Variants in PALM3 observed in about 807,000 individuals in gnomAD.
PALM3 encodes the protein paralemmin 3, also known as paralemmin-3.
A neutral mutation model predicts 27.9 loss-of-function variants in PALM3; 20 were observed. The observed-to-expected ratio is 0.72, with a 90% CI of 0.50 to 1.04. The LOEUF (loss-of-function observed/expected upper bound fraction) is 1.04. Ranked by LOEUF, PALM3 falls within the 50% of genes least tolerant of loss-of-function variation. PALM3 has a pLI of 0.00. For synonymous variants in PALM3, 328 were observed against 352.7 expected (o/e 0.93, Z 0.79); for missense variants, 814 against 869.4 (o/e 0.94, Z 0.80).
At position 14,054,635 on chromosome 19, in the gene PALM3, T is replaced by C; in HGVS notation, c.1037A>G (p.Gln346Arg). 6.4e-7 allele frequency: 1 copy of C among 1,551,574 alleles called. No homozygotes were observed. Among genetic ancestry groups the C allele is most frequent in the Non-Finnish European group, 8.7e-7 (1 of 1,146,850 alleles). The change falls in exon 7 of 7, where the codon CAG becomes CGG. Residue 346 changes from glutamine to arginine, a missense_variant. Physicochemically the swap from Gln to Arg is conservative, Grantham distance 43 (BLOSUM62 1). Coordinates refer to ENST00000669674, the MANE Select transcript of PALM3 (RefSeq NM_001145028.2). ...TCCCTCCTCTCCTCCAGAGCCTCCC[T>C]GCCCATCACCCTCAGGGCTGCCCTG... The part of the protein sequence containing the change: ...VPQGSPEGDG[Q>R]GGSGGEEGSF...
At chr19:14,060,960 C>T (rs766007348) in intron 1 of PALM3, among the ~76,000 whole-genome samples, 7 of 152,132 alleles carry the variant, frequency 4.6e-5, no homozygotes, top group Non-Finnish European at 1.0e-4. Flanking sequence ...GGGGTTTCAC[C>T]ATACTGGCCA....
In PALM3 at chr19:14,054,578, C is replaced by G. The variant is rs966442740; in HGVS notation, c.1094G>C (p.Ser365Thr). The G allele has an allele frequency of 2.6e-6, 4 of 1,551,878 alleles. No individual in the cohort carries two copies. Among genetic ancestry groups the G allele is most frequent in the South Asian group, 1.2e-5 (1 of 84,068 alleles). Residue 365 changes from serine to threonine, a missense_variant, in exon 7 of 7, where the codon AGT (serine) becomes ACT (threonine). Ser to Thr is a moderately conservative substitution (Grantham distance 58, BLOSUM62 1). Transcript: ENST00000669674. The part of the protein sequence containing the change: ...SFIWVERVTL[S>T]EEWEELLVEG... ...CACCAGCAGCTCCTCCCACTCTTCA[C>G]TGAGGGTCACTCTCTCCACCCAAAT...
At chr19:14,060,446 G>A (rs1167788212) in intron 1 of PALM3, among the ~76,000 whole-genome samples, 1 of 151,938 alleles carries the variant, frequency 6.6e-6, no homozygotes, top group African/African-American at 2.4e-5. Context: ...TTCCAGCTAA[G>A]AACAAAATCA....
In PALM3 at chr19:14,054,150, C is replaced by T; in HGVS notation, c.1522G>A (p.Gly508Ser). ...TTGGTTGCCTCTGGCTCTTCCTCAC[C>T]TCCTTTCTTCTCTACTCCCAATGGT... is the stretch of plus-strand genomic sequence containing the variant. ...EEPLGVEKKG[G>S]EEEPEATKEP... Residue 508 changes from glycine to serine, a missense_variant, in exon 7 of 7, where the codon GGT becomes AGT. Transcript: ENST00000669674. 2 of 1,551,756 alleles carry T rather than the reference C, an allele frequency of 1.3e-6. No individual in the cohort carries two copies. The highest frequency in any genetic ancestry group is 1.7e-6 in the Non-Finnish European group (2 of 1,146,998).
chr19:14,057,506 T>G, intron 2 of PALM3, 75 bp from the exon 3 acceptor site: 5 of 1,167,666 alleles, frequency 4.3e-6, no homozygotes, highest in Non-Finnish European at 4.6e-6. Flanking sequence ...CCCTTTCCCC[T>G]CCCTCCTCCG....
At chr19:14,061,836 A>G (rs1976418804) in intron 1 of PALM3, 104 bp downstream of exon 1, 1 of 723,862 alleles carries the variant, frequency 1.4e-6, no homozygotes, top group Non-Finnish European at 1.7e-6. Flanking sequence ...GGGTCCCCTT[A>G]GGAGAGACCA....
rs1976249807 is a variant in PALM3 at position 14,054,252 on chromosome 19, T to C, written c.1420A>G (p.Lys474Glu). The stretch of plus-strand genomic sequence containing the variant: ...TCTGCCCTCAAATGTCCCTCAACTT[T>C]TCTCTCTATGCCCAGTGGTTCCTCA... ...GGEEPLGIER[K>E]VEGHLRAEKE... The change falls in exon 7 of 7, where the codon AAA (lysine) becomes GAA (glutamate). Residue 474 changes from lysine (K) to glutamate (E), a missense_variant. Coordinates refer to ENST00000669674, the MANE Select transcript of PALM3 (RefSeq NM_001145028.2). 6.4e-7 allele frequency: 1 copy of C among 1,552,060 alleles called. No individual in the cohort carries two copies. The highest frequency in any genetic ancestry group is 2.0e-5 in the Admixed American group (1 of 50,948).
intron 1 of PALM3, among the ~76,000 whole-genome samples, chr19:14,061,015 C>T (rs1976405238): frequency 6.6e-6 from 1 of 152,210 alleles, no homozygotes; most frequent in African/African-American, 2.4e-5. Flanking sequence ...CCCGCCTCGG[C>T]CTCCCAAAGT....
In PALM3 at chr19:14,057,333, C is replaced by A; in HGVS notation, c.171+18G>T. The A allele has an allele frequency of 6.6e-7, 1 of 1,525,374 alleles. No homozygotes were observed. The highest frequency in any genetic ancestry group is 8.8e-7 in the Non-Finnish European group (1 of 1,131,822). The allele number at this position is 1,525,374 out of a possible 1,614,324, so 94.5% of individuals were successfully genotyped here. A position where few individuals can be genotyped will look rare whatever the true frequency, so the allele number is the denominator to read the frequency against. On this transcript the variant is annotated intron_variant, in intron 3 of 6. Transcript: ENST00000669674. ...CTCCATTCCCCAGGCTAGGCAGGCGCCCCCGCCCGCCCCCAACCTTGAGAC... is the reference window on the plus strand; with the variant it reads ...CTCCATTCCCCAGGCTAGGCAGGCGACCCCGCCCGCCCCCAACCTTGAGAC...
chr19:14,057,518 G>C (rs1033683506), intron 2 of PALM3, 87 bp from the exon 3 acceptor site: 1 of 1,141,552 alleles, frequency 8.8e-7, no homozygotes, highest in Non-Finnish European at 1.2e-6. Flanking sequence ...CCTCCTCCGC[G>C]GGGCTCACCG....
rs1976247514 is a variant in PALM3 at position 14,054,174 on chromosome 19, GTTC to G, written c.1495_1497del (p.Glu499del). ...CCTCCTTTCTTCTCTACTCCCAATG[GTTC>G]TTCTACCTCCTCCTCCTCTGCCCCT... On this transcript the variant is annotated inframe_deletion, in exon 7 of 7. Transcript: ENST00000669674. 6.4e-7 allele frequency: 1 copy of G among 1,550,768 alleles called. No individual in the cohort carries two copies. The highest frequency in any genetic ancestry group is 1.4e-5 in the African/African-American group (1 of 72,534).
intron 1 of PALM3, among the ~76,000 whole-genome samples, chr19:14,059,454 C>G (rs1253152243): frequency 6.6e-6 from 1 of 151,966 alleles, no homozygotes; most frequent in South Asian, 2.1e-4. Flanking sequence ...CCTTGCCACC[C>G]CCGATCTCAG....
intron 5 of PALM3, among the ~76,000 whole-genome samples, chr19:14,055,829 C>G (rs1976294942): frequency 6.6e-6 from 1 of 152,142 alleles, no homozygotes; most frequent in Non-Finnish European, 1.5e-5. Flanking sequence ...CGGCTCACTG[C>G]AACGTTCGCC....
Position 14,054,653 on chromosome 19 carries a change from C to G in PALM3, c.1019G>C (p.Ser340Thr). 1 of 1,551,302 alleles carries G rather than the reference C, an allele frequency of 6.4e-7. No homozygotes were observed. Among genetic ancestry groups the G allele is most frequent in the Non-Finnish European group, 8.7e-7 (1 of 1,146,704 alleles). Residue 340 changes from serine to threonine, a missense_variant, in exon 7 of 7, where the codon AGC (serine) becomes ACC (threonine). Physicochemically the swap from Ser to Thr is moderately conservative, Grantham distance 58 (BLOSUM62 1). Transcript: ENST00000669674. ...SIEGEDVPQG[S>T]PEGDGQGGSG... Reference sequence around the variant, plus strand: ...GCCTCCCTGCCCATCACCCTCAGGGCTGCCCTGGGGCACATCTTCCCCTTC... The same window carrying G: ...GCCTCCCTGCCCATCACCCTCAGGGGTGCCCTGGGGCACATCTTCCCCTTC...
rs548648660 is a variant in PALM3 at position 14,057,935 on chromosome 19, C to A, written c.91-504G>T. 2.0e-5 allele frequency among the ~76,000 whole-genome samples: 3 copies of A among 152,224 alleles called. No individual in the cohort carries two copies. In the South Asian group the frequency reaches 6.2e-4, roughly 32 times the overall value. ...CTACCCTGGCCAACATGGTGAAAACCCGGCTCTACTAAAAATACAAAAATT... is the reference window on the plus strand; with the variant it reads ...CTACCCTGGCCAACATGGTGAAAACACGGCTCTACTAAAAATACAAAAATT... On this transcript the variant is annotated intron_variant, in intron 2 of 6. Transcript: ENST00000669674.
rs1430255145 is a variant in PALM3 at position 14,055,402 on chromosome 19, G to A, written c.423C>T (p.Ser141=). 1 of 1,549,538 alleles carries A rather than the reference G, an allele frequency of 6.5e-7. No individual in the cohort carries two copies. Among genetic ancestry groups the A allele is most frequent in the East Asian group, 2.4e-5 (1 of 40,896 alleles). ...RRQGHRPLSQ[S]IVEAGSVGQT... ...TACCTACAGAACCTGCCTCGACAAT[G>A]GACTGGGAGAGAGGACGGTGACCCT... The change falls in exon 6 of 7, where the codon TCC becomes TCT. Residue 141 remains serine (S), a synonymous_variant. Coordinates refer to ENST00000669674, the MANE Select transcript of PALM3 (RefSeq NM_001145028.2).
chr19:14,054,292 T>C lies in PALM3; in HGVS notation c.1380A>G (p.Thr460=), dbSNP rs761609561. Residue 460 remains threonine (T), a synonymous_variant, in exon 7 of 7, where the codon ACA becomes ACG. Transcript: ENST00000669674. ...GTGGTTCCTCACCTCCTTCCCTCTC[T>C]GTTCCCAGCTTTTCTGCACTTCCTC... is the stretch of plus-strand genomic sequence containing the variant. ...ESRGSAEKLG[T]EREGGEEPLG... is the part of the protein sequence containing the mutation. The C allele has an allele frequency of 1.4e-5, 22 of 1,552,304 alleles. No individual in the cohort carries two copies. The highest frequency in any genetic ancestry group is 1.2e-4 in the South Asian group (10 of 84,058).
chr19:14,053,763 G>A lies in PALM3; in HGVS notation c.1909C>T (p.Gln637Ter). The A allele has an allele frequency of 6.5e-7, 1 of 1,536,704 alleles. No individual in the cohort carries two copies. The change falls in exon 7 of 7, where the codon CAG becomes TAG. Residue 637 changes from glutamine (Q) to a stop codon, truncating the protein, a stop_gained. Transcript: ENST00000669674. LOFTEE classifies it high-confidence loss of function. The stretch of plus-strand genomic sequence containing the variant: ...GGCCCCTCCCCCTGAAGCAGTGGCT[G>A]GCATTCGGCGGGCTGCTCTGGGGCT... ...TPAPEQPAEC[Q>*]PLLQGEGPSA...
Position 14,055,065 on chromosome 19 carries a change from G to A in PALM3, c.607C>T (p.Pro203Ser). Residue 203 changes from proline (P) to serine (S), a missense_variant, in exon 7 of 7, where the codon CCC becomes TCC. Physicochemically the swap from Pro to Ser is moderately conservative, Grantham distance 74 (BLOSUM62 -1). Coordinates refer to ENST00000669674, the MANE Select transcript of PALM3 (RefSeq NM_001145028.2). ...TGCTCTGGAGTGGGGATGGGGCTGG[G>A]GCATGGGCCATTGGCTTCTGAGGAG... ...GDSSEANGPC[P>S]SPIPTPEQGL... The A allele has an allele frequency of 6.4e-7, 1 of 1,551,604 alleles. No individual in the cohort carries two copies. The highest frequency in any genetic ancestry group is 8.7e-7 in the Non-Finnish European group (1 of 1,146,972).
Sources: allele counts gnomAD v4.1 joint callset (sites outside exome capture counted in the v4.1 genomes callset), GRCh38; gene constraint gnomAD v4.1.1; transcripts MANE v1.5; gene names NCBI Gene and HGNC (gene_info 2026-07-23, HGNC 2026-07-21).